The following FKBP5 variants were observed in gnomAD, a reference collection of about 807,000 sequenced individuals.
FKBP5 encodes the protein FKBP prolyl isomerase 5.
Under a neutral mutation model 50.5 loss-of-function variants are expected in FKBP5, and 23 were observed. The observed-to-expected ratio is 0.46, with a 90% CI of 0.33 to 0.65. The LOEUF is 0.65. FKBP5 is among the 30% of genes least tolerant of loss of function. FKBP5 has a pLI of 0.02. For missense variants in FKBP5, 411 were observed against 553.1 expected (o/e 0.74, Z 2.58); for synonymous variants, 176 against 190.6 (o/e 0.92, Z 0.63).
chr6:35,623,752 C>CTTT (rs781042802), intron 3 of FKBP5, among the ~76,000 whole-genome samples: 1 of 142,058 alleles, frequency 7.0e-6, no homozygotes, highest in Non-Finnish European at 1.6e-5. Flanking sequence ...TTTTCTTCTT[C>CTTT]TTTTTTTTTT....
intron 5 of FKBP5, among the ~76,000 whole-genome samples, chr6:35,615,529 T>C (rs1174521506): frequency 2.0e-5 from 3 of 152,092 alleles, no homozygotes; most frequent in Non-Finnish European, 4.4e-5. Flanking sequence ...TCTGGGACAA[T>C]GTGAACAACA....
chr6:35,669,052 GATCA>G (rs1249417920), intron 1 of FKBP5, among the ~76,000 whole-genome samples: 1 of 152,106 alleles, frequency 6.6e-6, no homozygotes, highest in African/African-American at 2.4e-5. Context: ...AAAAAAGTTT[GATCA>G]ATTAATCATT....
intron 9 of FKBP5, among the ~76,000 whole-genome samples, chr6:35,578,220 C>G (rs1407796095): frequency 6.6e-6 from 1 of 152,010 alleles, no homozygotes; most frequent in Non-Finnish European, 1.5e-5. Flanking sequence ...GGGTCTCACT[C>G]TGTCGCCCAG....
At chr6:35,708,293 C>T (rs1766357843) in intron 2 of FKBP5, among the ~76,000 whole-genome samples, 1 of 152,150 alleles carries the variant, frequency 6.6e-6, no homozygotes, top group Non-Finnish European at 1.5e-5. Context: ...CTCCCTCTGT[C>T]ACCCAGGCTG....
At chr6:35,680,792 T>A (rs1765643544) in intron 1 of FKBP5, among the ~76,000 whole-genome samples, 2 of 152,246 alleles carry the variant, frequency 1.3e-5, no homozygotes, top group African/African-American at 2.4e-5. Flanking sequence ...AAACTGTTCA[T>A]GTCTTTGCAA....
chr6:35,696,498 C>A (rs948158872), intron 2 of FKBP5, among the ~76,000 whole-genome samples: 1 of 134,780 alleles, frequency 7.4e-6, no homozygotes, highest in Non-Finnish European at 1.6e-5. Context: ...GGCAACAGAG[C>A]CAGACTCTGT....
Position 35,605,383 on chromosome 6 carries a change from C to CTTTTTTTT in FKBP5, c.509-7987_509-7980dup, listed in dbSNP as rs1158530509. ...TAATAAGAGCCACCTATGACAATAT[C>CTTTTTTTT]TTTTTTTTTTTTTTTTTTTTTTTTT... On this transcript the variant is annotated intron_variant, in intron 5 of 10. Coordinates refer to ENST00000357266, the MANE Select transcript of FKBP5 (RefSeq NM_004117.4). 5.9e-4 allele frequency among the ~76,000 whole-genome samples: 31 copies of CTTTTTTTT among 52,308 alleles called. 5 individuals carry two copies. The highest frequency in any genetic ancestry group is 9.3e-4 in the Non-Finnish European group (27 of 28,890). The allele number at this position is 52,308 out of a possible 152,430, so 34.3% of individuals were successfully genotyped here. A position where few individuals can be genotyped will look rare whatever the true frequency, so the allele number is the denominator to read the frequency against.
At chr6:35,617,900 G>A (rs1426345104) in intron 5 of FKBP5, among the ~76,000 whole-genome samples, 1 of 152,198 alleles carries the variant, frequency 6.6e-6, no homozygotes, top group Non-Finnish European at 1.5e-5. Flanking sequence ...CTTAGCAAAT[G>A]AAGAAACGGA....
At chr6:35,606,769 A>C (rs1032978926) in intron 5 of FKBP5, among the ~76,000 whole-genome samples, 7 of 151,274 alleles carry the variant, frequency 4.6e-5, no homozygotes, top group Middle Eastern at 3.5e-3. Context: ...GAGAATGGAA[A>C]TTAGTTCAGC....
At chr6:35,726,364 T>G (rs1766710309) in intron 1 of FKBP5, among the ~76,000 whole-genome samples, 1 of 152,166 alleles carries the variant, frequency 6.6e-6, no homozygotes, top group South Asian at 2.1e-4. Context: ...ATGCTCTGGT[T>G]GGCTTTGGGA....
At chr6:35,577,320 T>A in intron 9 of FKBP5, 87 bp from the exon 10 acceptor site, 1 of 1,235,982 alleles carries the variant, frequency 8.1e-7, no homozygotes. Context: ...CCAAAGGAGA[T>A]GGAAAAAGTG....
At chr6:35,639,365 C>G (rs533633053) in intron 2 of FKBP5, among the ~76,000 whole-genome samples, 1 of 152,294 alleles carries the variant, frequency 6.6e-6, no homozygotes, top group East Asian at 1.9e-4. Flanking sequence ...AAATCCGAGG[C>G]TCTAGACAAT....
At chr6:35,725,979 A>T (rs1766702367) in intron 1 of FKBP5, among the ~76,000 whole-genome samples, 1 of 152,020 alleles carries the variant, frequency 6.6e-6, no homozygotes. Context: ...CCCTGCTCAC[A>T]CTCTGTACCC....
chr6:35,629,941 C>T (rs575651117), intron 3 of FKBP5, among the ~76,000 whole-genome samples: 1 of 152,226 alleles, frequency 6.6e-6, no homozygotes, highest in East Asian at 1.9e-4. Context: ...CTCCTGAATG[C>T]TCCTAAACTG....
At chr6:35,685,042 T>C (rs2151012571) in intron 1 of FKBP5, among the ~76,000 whole-genome samples, 1 of 148,178 alleles carries the variant, frequency 6.7e-6, no homozygotes, top group East Asian at 2.0e-4. Flanking sequence ...GCCTGGGCAA[T>C]AAAGCAAGAC....
chr6:35,689,218 C>T (rs1318119690), upstream of FKBP5, among the ~76,000 whole-genome samples: 5 of 152,210 alleles, frequency 3.3e-5, no homozygotes, highest in Non-Finnish European at 7.3e-5. Context: ...TCTTACCTCC[C>T]GAGAAATTAA....
rs567821427 is a variant in FKBP5, at chr6:35,668,754, A to C, written c.-20+20050T>G. Among the ~76,000 whole-genome samples, 22 of 152,274 alleles carry C rather than the reference A, an allele frequency of 1.4e-4. No individual in the cohort carries two copies. In the East Asian group the frequency reaches 4.2e-3, roughly 29 times the overall value. On this transcript the variant is annotated intron_variant, in intron 1 of 10. Coordinates refer to ENST00000357266, the MANE Select transcript of FKBP5 (RefSeq NM_004117.4). ...TCTTTTGTTAAAATGCACAACAATA[A>C]AACAACAAAATATAATGACACAATT...
intron 3 of FKBP5, among the ~76,000 whole-genome samples, chr6:35,620,676 G>A (rs60840166): frequency 6.6e-6 from 1 of 152,214 alleles, no homozygotes; most frequent in African/African-American, 2.4e-5. Context: ...AAGCCTGGGA[G>A]CCCAGGAGAT....
intron 8 of FKBP5, chr6:35,585,456 G>T (rs1399645514): frequency 4.1e-6 from 4 of 985,100 alleles, no homozygotes; most frequent in Non-Finnish European, 4.8e-6. Flanking sequence ...AGGCTGGAAA[G>T]AAACTTGGGG....
Sources: allele counts gnomAD v4.1 joint callset (sites outside exome capture counted in the v4.1 genomes callset), GRCh38; gene constraint gnomAD v4.1.1; transcripts MANE v1.5; gene names NCBI Gene and HGNC (gene_info 2026-07-23, HGNC 2026-07-21).